The following FAT3 variants were observed in gnomAD, a reference collection of about 807,000 sequenced individuals.
FAT3 encodes the protein FAT atypical cadherin 3.
FAT3 carries 95 observed loss-of-function variants against 310.2 expected under a neutral mutation model. The ratio of observed to expected loss-of-function variants is 0.31; its 90% CI spans 0.26 to 0.36. FAT3 has a LOEUF of 0.36. Ranked by LOEUF, FAT3 falls within the 10% of genes least tolerant of loss-of-function variation. The pLI is 1.00. For missense variants in FAT3, 5,408 were observed against 5,715.6 expected (o/e 0.95, Z 1.74); for synonymous variants, 2,314 against 2,192.9 (o/e 1.06, Z -1.54).
rs775430239 is a variant in FAT3 at position 92,353,458 on chromosome 11, A to G, written c.1346A>G (p.Asn449Ser). ...KKEVYKLEVT[N>S]KEGDLKAQVT... ...GAGGTTTATAAACTGGAGGTGACAA[A>G]CAAGGAAGGAGATTTAAAAGCACAG... Residue 449 changes from asparagine to serine, a missense_variant, in exon 2 of 28, where the codon AAC becomes AGC. Around this residue, in one of 5 missense-constraint regions of FAT3, gnomAD observed 4,588 missense variants for 4,809.8 expected, o/e 0.95. Transcript: ENST00000525166. The G allele has an allele frequency of 6.2e-7, 1 of 1,613,622 alleles. No homozygotes were observed. Among genetic ancestry groups the G allele is most frequent in the South Asian group, 1.1e-5 (1 of 91,030 alleles).
intron 5 of FAT3, among the ~76,000 whole-genome samples, chr11:92,764,436 C>T (rs910117402): frequency 6.6e-6 from 1 of 152,140 alleles, no homozygotes; most frequent in Non-Finnish European, 1.5e-5. Flanking sequence ...CATACACATG[C>T]ACACACACAC....
chr11:92,505,383 G>T (rs1307177318), intron 2 of FAT3, among the ~76,000 whole-genome samples: 1 of 152,052 alleles, frequency 6.6e-6, no homozygotes, highest in Admixed American at 6.6e-5. Context: ...CCTGGCTGTG[G>T]GTGTCTGTTT....
intron 4 of FAT3, among the ~76,000 whole-genome samples, chr11:92,748,108 GTAATTTA>G (rs1945726068): frequency 6.6e-6 from 1 of 152,164 alleles, no homozygotes; most frequent in Admixed American, 6.5e-5. Flanking sequence ...TCAAGGCTGG[GTAATTTA>G]TAAAGGAAAG....
chr11:92,425,518 C>T (rs1022644003), intron 2 of FAT3, among the ~76,000 whole-genome samples: 5 of 151,964 alleles, frequency 3.3e-5, no homozygotes, highest in African/African-American at 1.2e-4. Flanking sequence ...GGTATTTTTC[C>T]TAATGCTATC....
At chr11:92,299,916 A>C (rs141439615) in intron 1 of FAT3, among the ~76,000 whole-genome samples, 1 of 152,120 alleles carries the variant, frequency 6.6e-6, no homozygotes, top group African/African-American at 2.4e-5. Context: ...AAAGAAATCT[A>C]TCTCTTCAGC....
chr11:92,395,520 C>G lies in FAT3; in HGVS notation c.3292+40116C>G, dbSNP rs891209141. 4.6e-5 allele frequency among the ~76,000 whole-genome samples: 7 copies of G among 152,044 alleles called. No individual in the cohort carries two copies. In the East Asian group the frequency reaches 1.3e-3, roughly 29 times the overall value. ...GTTCTCTCTGTTCTACAAGGATGCC[C>G]TTTTTTGCATGCCTTCTTTTTCCTC... On this transcript the variant is annotated intron_variant, in intron 2 of 27. Transcript: ENST00000525166.
rs1418015004 is a variant in FAT3 at position 92,883,060 on chromosome 11, A to G, written c.12604A>G (p.Asn4202Asp). ...VQDPATAALL[N>D]KSNGIPFRNL... ...GGACCCGGCCACCGCCGCCCTGCTT[A>G]ACAAGAGCAATGGCATCCCGTTCCG... Residue 4202 changes from asparagine (N) to aspartate (D), a missense_variant, in exon 24 of 28, where the codon AAC (asparagine) becomes GAC (aspartate). This residue lies in a region of FAT3 where 649 missense variants were observed against 666.2 expected (regional missense o/e 0.97). Coordinates refer to ENST00000525166, the MANE Select transcript of FAT3 (RefSeq NM_001367949.2). This position sits in a 1 kb window ranked among gnomAD's most constrained non-coding sequence, Gnocchi z 4.2. 4 of 1,613,922 alleles carry G rather than the reference A, an allele frequency of 2.5e-6. No individual in the cohort carries two copies. The highest frequency in any genetic ancestry group is 2.5e-6 in the Non-Finnish European group (3 of 1,179,892).
At chr11:92,555,516 C>T (rs1294945801) in intron 3 of FAT3, among the ~76,000 whole-genome samples, 1 of 152,148 alleles carries the variant, frequency 6.6e-6, no homozygotes, top group Admixed American at 6.5e-5. Flanking sequence ...TTCTTTAAGG[C>T]TTGTATTGGT....
intron 1 of FAT3, among the ~76,000 whole-genome samples, chr11:92,315,655 CGG>C (rs777652095): frequency 1.4e-4 from 21 of 151,048 alleles, no homozygotes; most frequent in Non-Finnish European, 2.8e-4. Flanking sequence ...TCCCGAGTAG[CGG>C]GGACTACAGA....
At chr11:92,505,053 A>G (rs978294618) in intron 2 of FAT3, among the ~76,000 whole-genome samples, 2 of 152,098 alleles carry the variant, frequency 1.3e-5, no homozygotes, top group Non-Finnish European at 2.9e-5. Flanking sequence ...TGCACTTTAG[A>G]AACATTCAGA....
chr11:92,489,119 G>A (rs1428448831), intron 2 of FAT3, among the ~76,000 whole-genome samples: 1 of 152,020 alleles, frequency 6.6e-6, no homozygotes, highest in Non-Finnish European at 1.5e-5. Context: ...ATCTCTCATA[G>A]ACGCATTTAC....
chr11:92,453,397 C>G (rs2041350539), intron 2 of FAT3, among the ~76,000 whole-genome samples: 1 of 152,022 alleles, frequency 6.6e-6, no homozygotes, highest in Admixed American at 6.6e-5. Flanking sequence ...TTGTTTTAGT[C>G]AGCTTTCCAA....
chr11:92,251,438 C>G (rs1335366501), intron 1 of FAT3, among the ~76,000 whole-genome samples: 1 of 152,110 alleles, frequency 6.6e-6, no homozygotes, highest in Non-Finnish European at 1.5e-5. Flanking sequence ...AAAGCAGGTA[C>G]TTAATTCTTA....
intron 22 of FAT3, 28 bp downstream of exon 22, chr11:92,867,237 G>A (rs2136353571): frequency 6.6e-7 from 1 of 1,521,214 alleles, no homozygotes; most frequent in East Asian, 2.4e-5. Flanking sequence ...GTGGGCACTG[G>A]CCTGGGGGTT....
rs540271968 is a variant in FAT3 at position 92,338,775 on chromosome 11, A to G, written c.-17-13321A>G. On this transcript the variant is annotated intron_variant, in intron 1 of 27. Coordinates refer to ENST00000525166, the MANE Select transcript of FAT3 (RefSeq NM_001367949.2). Reference sequence around the variant, plus strand: ...GAACAAACGGGGATTCTAGCTGTCAAGGTGACTGATGGCCTTGCTACATGC... The same window carrying G: ...GAACAAACGGGGATTCTAGCTGTCAGGGTGACTGATGGCCTTGCTACATGC... 7.2e-5 allele frequency among the ~76,000 whole-genome samples: 11 copies of G among 152,328 alleles called. No individual in the cohort carries two copies. In the East Asian group the frequency reaches 1.9e-3, roughly 27 times the overall value.
intron 3 of FAT3, among the ~76,000 whole-genome samples, chr11:92,571,990 C>T (rs1399267065): frequency 1.3e-5 from 2 of 152,188 alleles, no homozygotes; most frequent in East Asian, 1.9e-4. Flanking sequence ...GAAGCCTCAC[C>T]CTTAAATTGA....
intron 2 of FAT3, among the ~76,000 whole-genome samples, chr11:92,461,330 GCATAGCCTTCATT>G (rs1951633117): frequency 6.6e-6 from 1 of 152,008 alleles, no homozygotes; most frequent in African/African-American, 2.4e-5. Flanking sequence ...ACTGAATCAG[GCATAGCCTTCATT>G]CATGAAGTTA....
rs768252124 is a variant in FAT3 at position 92,353,045 on chromosome 11, G to A, written c.933G>A (p.Gln311=). ...VSIVAGDPLD[Q]FFLAKEGKWL... ...TTGTGGCTGGGGATCCTTTAGATCA[G>A]TTCTTCCTGGCTAAGGAAGGAAAGT... The change falls in exon 2 of 28, where the codon CAG becomes CAA. Residue 311 remains glutamine, a synonymous_variant. Coordinates refer to ENST00000525166, the MANE Select transcript of FAT3 (RefSeq NM_001367949.2). 1.2e-6 allele frequency: 2 copies of A among 1,613,734 alleles called. No individual in the cohort carries two copies. The highest frequency in any genetic ancestry group is 2.2e-5 in the South Asian group (2 of 91,080).
At chr11:92,777,423 T>G (rs1946626530) in intron 7 of FAT3, among the ~76,000 whole-genome samples, 1 of 152,164 alleles carries the variant, frequency 6.6e-6, no homozygotes, top group Admixed American at 6.5e-5. Context: ...ACACACATCC[T>G]TTTCTTTCCT....
Sources: gnomAD v4.1 joint callset for allele counts (sites outside exome capture counted in the v4.1 genomes callset) on GRCh38, gnomAD v4.1.1 for gene constraint, gnomAD v4.1.1 regional missense constraint, Gnocchi (gnomAD v3.1) non-coding constraint, MANE v1.5 for transcripts, NCBI Gene and HGNC (gene_info 2026-07-23, HGNC 2026-07-21) for gene names.